Variants in RBFOX1 observed in about 807,000 individuals in gnomAD.
RBFOX1 encodes RNA binding fox-1 homolog 1.
In RBFOX1, 8 loss-of-function variants were observed where a neutral mutation model predicts 57.7. The observed-to-expected ratio is 0.14, with a 90% confidence interval of 0.08 to 0.25. The LOEUF (loss-of-function observed/expected upper bound fraction) is 0.25. Ranked by LOEUF, RBFOX1 falls within the 10% of genes least tolerant of loss-of-function variation. The pLI is 1.00. For synonymous variants in RBFOX1, 326 were observed against 222.4 expected (o/e 1.47, Z -4.15); for missense variants, 611 against 548.5 (o/e 1.11, Z -1.14).
chr16:6,663,155 G>A (rs1603241467), intron 3 of RBFOX1, among the ~76,000 whole-genome samples: 1 of 152,320 alleles, frequency 6.6e-6, no homozygotes. Context: ...GAGCCATGTA[G>A]GAGATGGGGA....
rs140681314 is a variant in RBFOX1 at position 7,080,183 on chromosome 16, G to C, written c.27+28085G>C. The stretch of plus-strand genomic sequence containing the variant: ...GCCAAAAAGTAAAAGTAAATAAAAT[G>C]TCCCATTCCCATTTGTTTTTGGGAG... On this transcript the variant is annotated intron_variant, in intron 4 of 15. Coordinates refer to ENST00000550418, the MANE Select transcript of RBFOX1 (RefSeq NM_018723.4). Among the ~76,000 whole-genome samples the C allele has an allele frequency of 5.4e-3, 813 of 151,486 alleles. 8 individuals carry two copies. The highest frequency in any genetic ancestry group is 0.019 in the African/African-American group (766 of 41,286).
intron 2 of RBFOX1, among the ~76,000 whole-genome samples, chr16:5,539,537 G>A (rs929296351): frequency 1.3e-5 from 2 of 152,044 alleles, no homozygotes; most frequent in African/African-American, 4.8e-5. Context: ...GGAGGTGGAG[G>A]TTATAGTGAG....
Position 5,611,559 on chromosome 16 carries a change from T to A in RBFOX1, c.318+12598T>A, listed in dbSNP as rs565722877. 5.9e-5 allele frequency among the ~76,000 whole-genome samples: 9 copies of A among 152,226 alleles called. No homozygotes were observed. In the East Asian group the frequency reaches 1.2e-3, roughly 20 times the overall value. ...TTGCACTTCTGTGTACTCAACTTCT[T>A]TCAACTGATAAAAATGATCAATTTT... On this transcript the variant is annotated intron_variant, in intron 3 of 19. Coordinates refer to the RBFOX1 transcript ENST00000641259.
chr16:5,948,223 C>G (rs1349832957), intron 4 of RBFOX1, among the ~76,000 whole-genome samples: 2 of 152,094 alleles, frequency 1.3e-5, no homozygotes, highest in African/African-American at 4.8e-5. Flanking sequence ...TTGCGCTGAC[C>G]GAGCTGGGCA....
intron 4 of RBFOX1, among the ~76,000 whole-genome samples, chr16:7,413,132 G>GA (rs896511327): frequency 1.4e-4 from 22 of 151,924 alleles, no homozygotes; most frequent in East Asian, 7.7e-4. Flanking sequence ...CAGTGATGGG[G>GA]AAAAAAAATG....
rs188546713 is a variant in RBFOX1 at position 6,682,182 on chromosome 16, A to G, written c.-16+27532A>G. On this transcript the variant is annotated intron_variant, in intron 3 of 15. Coordinates refer to ENST00000550418, the MANE Select transcript of RBFOX1 (RefSeq NM_018723.4). ...CTGTAAATTTCATCATTTGTGCCCAAGGATTAGGGCAATTAAAACAACAAC... is the reference window on the plus strand; with the variant it reads ...CTGTAAATTTCATCATTTGTGCCCAGGGATTAGGGCAATTAAAACAACAAC... 2.6e-3 allele frequency among the ~76,000 whole-genome samples: 395 copies of G among 152,290 alleles called. 7 individuals are homozygous for G. The highest frequency in any genetic ancestry group is 0.02 in the Admixed American group (310 of 15,296).
chr16:6,005,027 AACTTTAAGAAG>A (rs1369251191), intron 4 of RBFOX1, among the ~76,000 whole-genome samples: 2 of 152,160 alleles, frequency 1.3e-5, no homozygotes, highest in Non-Finnish European at 2.9e-5. Context: ...AACTTGGGGG[AACTTTAAGAAG>A]AGAGTGTGTT....
intron 3 of RBFOX1, among the ~76,000 whole-genome samples, chr16:6,942,225 A>T (rs1470239612): frequency 2.0e-5 from 3 of 152,150 alleles, no homozygotes; most frequent in Non-Finnish European, 4.4e-5. Flanking sequence ...GGTGACAGTG[A>T]ACCAGGATCC....
chr16:6,372,688 A>G (rs1567143032), intron 2 of RBFOX1, among the ~76,000 whole-genome samples: 1 of 151,352 alleles, frequency 6.6e-6, no homozygotes, highest in East Asian at 2.0e-4. Flanking sequence ...GTTGGTGAGG[A>G]TCTTTGGATA....
At chr16:6,451,911 T>C (rs1285335970) in intron 2 of RBFOX1, among the ~76,000 whole-genome samples, 1 of 149,852 alleles carries the variant, frequency 6.7e-6, no homozygotes, top group East Asian at 2.0e-4. Context: ...CATGACTCCA[T>C]CCATGGCCCC....
At chr16:5,503,885 A>G (rs1222646553) in intron 2 of RBFOX1, among the ~76,000 whole-genome samples, 1 of 152,124 alleles carries the variant, frequency 6.6e-6, no homozygotes, top group Non-Finnish European at 1.5e-5. Context: ...CCCCTGGCAA[A>G]CACTCATCTA....
chr16:7,632,708 C>G (rs527303769), intron 11 of RBFOX1, among the ~76,000 whole-genome samples: 1 of 152,148 alleles, frequency 6.6e-6, no homozygotes, highest in East Asian at 1.9e-4. Context: ...TCTAACATTG[C>G]GGTCCTATAG....
chr16:6,563,812 T>G (rs1477224806), intron 2 of RBFOX1, among the ~76,000 whole-genome samples: 3 of 151,362 alleles, frequency 2.0e-5, no homozygotes, highest in Non-Finnish European at 4.4e-5. Context: ...GGAGACACAG[T>G]GGGATCCTGT....
At chr16:5,498,964 C>T (rs2043097783) in intron 2 of RBFOX1, among the ~76,000 whole-genome samples, 1 of 152,112 alleles carries the variant, frequency 6.6e-6, no homozygotes, top group African/African-American at 2.4e-5. Context: ...GGCTCCTGGG[C>T]AGGTTGGTTA....
intron 3 of RBFOX1, among the ~76,000 whole-genome samples, chr16:6,660,499 T>C (rs1013672616): frequency 1.3e-5 from 2 of 152,292 alleles, no homozygotes; most frequent in African/African-American, 2.4e-5. Context: ...GAGGCCACGA[T>C]TTGAGCTCAG....
intron 4 of RBFOX1, among the ~76,000 whole-genome samples, chr16:7,293,587 G>A (rs1444714064): frequency 6.6e-6 from 1 of 152,130 alleles, no homozygotes; most frequent in African/African-American, 2.4e-5. Flanking sequence ...ACCTGGACTC[G>A]CAGGCCAGAT....
chr16:7,072,758 C>T (rs1469454819), intron 4 of RBFOX1, among the ~76,000 whole-genome samples: 2 of 152,198 alleles, frequency 1.3e-5, no homozygotes, highest in Non-Finnish European at 2.9e-5. Context: ...TACAAAGCAG[C>T]ACAGAGCTGT....
chr16:5,389,159 C>G (rs1285040833), intron 1 of RBFOX1, among the ~76,000 whole-genome samples: 2 of 151,278 alleles, frequency 1.3e-5, no homozygotes, highest in African/African-American at 4.9e-5. Context: ...CCACTGCACT[C>G]CAGCCTGGGC....
At chr16:6,111,014 G>C (rs528412313) in intron 1 of RBFOX1, among the ~76,000 whole-genome samples, 185 of 152,294 alleles carry the variant, frequency 1.2e-3, no homozygotes, top group African/African-American at 4.3e-3. Context: ...TGAGGGTTCA[G>C]TGGAAGGAAG....
Sources: allele counts gnomAD v4.1 joint callset (sites outside exome capture counted in the v4.1 genomes callset), GRCh38; gene constraint gnomAD v4.1.1; transcripts MANE v1.5; gene names NCBI Gene and HGNC (gene_info 2026-07-23, HGNC 2026-07-21).